Variants in SCARA5 observed in about 807,000 individuals in gnomAD.
SCARA5 encodes scavenger receptor class A, member 5 (putative).
A neutral mutation model predicts 46.3 loss-of-function variants in SCARA5; 45 were observed. That is an observed-to-expected ratio of 0.97 (90% confidence interval 0.76 to 1.24). The LOEUF is 1.24. SCARA5 is among the 50% of genes most tolerant of loss of function. The pLI, the probability that SCARA5 is intolerant of heterozygous loss-of-function variation, is 0.00. For missense variants in SCARA5, 680 were observed against 689.0 expected (o/e 0.99, Z 0.15); for synonymous variants, 333 against 306.5 (o/e 1.09, Z -0.90).
At chr8:27,949,340 G>A (rs777253423) in intron 3 of SCARA5, among the ~76,000 whole-genome samples, 2 of 152,232 alleles carry the variant, frequency 1.3e-5, no homozygotes, top group Non-Finnish European at 2.9e-5. Flanking sequence ...AATTTAATCA[G>A]CAACTATTTA....
At chr8:27,937,526 C>G (rs1229800145) in intron 3 of SCARA5, among the ~76,000 whole-genome samples, 2 of 152,232 alleles carry the variant, frequency 1.3e-5, no homozygotes, top group African/African-American at 4.8e-5. Context: ...TTCACTCTCT[C>G]TAAGTCCCTG....
chr8:27,901,094 C>A (rs1807145674), intron 7 of SCARA5, among the ~76,000 whole-genome samples: 1 of 152,110 alleles, frequency 6.6e-6, no homozygotes. Flanking sequence ...TAAACAATGG[C>A]AAGATTTTTG....
At chr8:27,986,347 C>T (rs1808704873) in intron 2 of SCARA5, among the ~76,000 whole-genome samples, 1 of 152,232 alleles carries the variant, frequency 6.6e-6, no homozygotes, top group African/African-American at 2.4e-5. Context: ...TATTCACACA[C>T]ATTTTGGCCT....
At chr8:27,918,469 G>A (rs975196962) in intron 4 of SCARA5, among the ~76,000 whole-genome samples, 48 of 147,070 alleles carry the variant, frequency 3.3e-4, no homozygotes, top group African/African-American at 1.2e-3. Context: ...GTTGGGGGGG[G>A]TTCAGTAGGA....
chr8:27,945,402 C>A (rs1277236369), intron 3 of SCARA5, among the ~76,000 whole-genome samples: 2 of 152,170 alleles, frequency 1.3e-5, no homozygotes, highest in African/African-American at 4.8e-5. Context: ...TGGGGCACTA[C>A]TTCATGTGTG....
At chr8:27,927,839 G>A (rs1406710713) in intron 3 of SCARA5, among the ~76,000 whole-genome samples, 4 of 152,082 alleles carry the variant, frequency 2.6e-5, no homozygotes, top group South Asian at 2.1e-4. Context: ...AAAATGTGCC[G>A]AGTTCAGTGC....
At chr8:27,967,538 A>T (rs567896794) in intron 2 of SCARA5, among the ~76,000 whole-genome samples, 2 of 152,160 alleles carry the variant, frequency 1.3e-5, no homozygotes, top group Non-Finnish European at 2.9e-5. Flanking sequence ...GCATTTTTTT[A>T]AAAAATGCTT....
intron 4 of SCARA5, among the ~76,000 whole-genome samples, chr8:27,914,732 G>T (rs1563523451): frequency 6.6e-6 from 1 of 152,146 alleles, no homozygotes; most frequent in Admixed American, 6.5e-5. Flanking sequence ...GGACAAGGAG[G>T]AGCAGGGTCC....
intron 2 of SCARA5, among the ~76,000 whole-genome samples, chr8:27,984,961 A>G (rs1808683883): frequency 6.6e-6 from 1 of 152,028 alleles, no homozygotes; most frequent in South Asian, 2.1e-4. Flanking sequence ...CCATCTATCC[A>G]TTCATTCATC....
intron 7 of SCARA5, among the ~76,000 whole-genome samples, chr8:27,880,774 A>T (rs1008573909): frequency 6.7e-6 from 1 of 149,024 alleles, no homozygotes; most frequent in Non-Finnish European, 1.5e-5. Flanking sequence ...AGGATCACTT[A>T]AGCCTGGGAG....
intron 3 of SCARA5, among the ~76,000 whole-genome samples, chr8:27,957,149 C>T (rs528480380): frequency 9.5e-4 from 144 of 152,206 alleles, no homozygotes; most frequent in African/African-American, 3.2e-3. Context: ...AAGCCCACTC[C>T]CTTTCTCTTT....
chr8:27,918,214 A>G (rs1364851179), intron 4 of SCARA5, among the ~76,000 whole-genome samples: 1 of 152,232 alleles, frequency 6.6e-6, no homozygotes, highest in Non-Finnish European at 1.5e-5. Context: ...ACCAGCCATG[A>G]GGCCTTGAGT....
At position 27,871,885 on chromosome 8, in the gene SCARA5, G is replaced by A. The variant is rs375973484; in HGVS notation, c.*49C>T. On this transcript the variant is annotated 3_prime_UTR_variant, in exon 9 of 9. Coordinates refer to ENST00000354914, the MANE Select transcript of SCARA5 (RefSeq NM_173833.6). Reference sequence around the variant, plus strand: ...CCGAGCTGTGCCCCACCCCAGGGATGCAGGAAGGGTGCTCTGTGCAGGACC... The same window carrying A: ...CCGAGCTGTGCCCCACCCCAGGGATACAGGAAGGGTGCTCTGTGCAGGACC... 6.2e-7 allele frequency: 1 copy of A among 1,611,310 alleles called. No individual in the cohort carries two copies. Among genetic ancestry groups the A allele is most frequent in the African/African-American group, 1.3e-5 (1 of 74,896 alleles).
chr8:27,906,217 A>C (rs747263016), intron 6 of SCARA5, among the ~76,000 whole-genome samples: 5 of 152,180 alleles, frequency 3.3e-5, no homozygotes, highest in Non-Finnish European at 7.4e-5. Flanking sequence ...CTTAGTTTTC[A>C]TTTTAACAAG....
intron 7 of SCARA5, among the ~76,000 whole-genome samples, chr8:27,882,721 G>A (rs942013841): frequency 1.2e-4 from 19 of 152,292 alleles, no homozygotes; most frequent in Middle Eastern, 3.4e-3. Flanking sequence ...CTGTTGTAAT[G>A]GGCGCCTGTT....
chr8:27,931,158 T>C (rs1807766139), intron 3 of SCARA5, among the ~76,000 whole-genome samples: 1 of 152,222 alleles, frequency 6.6e-6, no homozygotes, highest in Non-Finnish European at 1.5e-5. Flanking sequence ...TCAAGTGCTG[T>C]GCACAGGAAA....
intron 4 of SCARA5, among the ~76,000 whole-genome samples, chr8:27,918,461 T>TG (rs35168403): frequency 1.7e-4 from 25 of 150,812 alleles, no homozygotes; most frequent in South Asian, 4.2e-4. Context: ...CTAGAAAGGT[T>TG]GGGGGGGGTT....
intron 3 of SCARA5, among the ~76,000 whole-genome samples, chr8:27,939,404 C>T (rs1807907229): frequency 6.6e-6 from 1 of 152,184 alleles, no homozygotes; most frequent in Non-Finnish European, 1.5e-5. Context: ...ATCATTGTTT[C>T]AACCTCCAGG....
In SCARA5 at chr8:27,921,775, C is replaced by G. The variant is rs780779206; in HGVS notation, c.712G>C (p.Val238Leu). Residue 238 changes from valine (V) to leucine (L), a missense_variant, in exon 4 of 9, where the codon GTG (valine) becomes CTG (leucine). By Grantham distance (32) the Val-to-Leu change is conservative. Around this residue, in one of 3 missense-constraint regions of SCARA5, gnomAD observed 438 missense variants for 384.5 expected, o/e 1.14. Transcript: ENST00000354914. Reference protein sequence around the residue: ...RGLNHSLSYDVALHRTRLQDL... With the variant: ...RGLNHSLSYDLALHRTRLQDL... ...TGCAGCCGCGTGCGGTGGAGGGCCA[C>G]GTCGTAGGACAGGCTGTGGTTGAGG... is the stretch of plus-strand genomic sequence containing the variant. 4 of 1,574,140 alleles carry G rather than the reference C, an allele frequency of 2.5e-6. No homozygotes were observed. Among genetic ancestry groups the G allele is most frequent in the Non-Finnish European group, 3.4e-6 (4 of 1,164,082 alleles).
Sources: gnomAD v4.1 joint callset for allele counts (sites outside exome capture counted in the v4.1 genomes callset) on GRCh38, gnomAD v4.1.1 for gene constraint, gnomAD v4.1.1 regional missense constraint, MANE v1.5 for transcripts, NCBI Gene and HGNC (gene_info 2026-07-23, HGNC 2026-07-21) for gene names.